IKZF5: variants seen among roughly 807,000 people sequenced by gnomAD.
The protein encoded by IKZF5 is IKAROS family zinc finger 5.
IKZF5 carries 4 observed loss-of-function variants against 30.7 expected under a neutral mutation model. The ratio of observed to expected loss-of-function variants is 0.13; its 90% confidence interval spans 0.06 to 0.30. The LOEUF (loss-of-function observed/expected upper bound fraction) is 0.30. Among genes scored for constraint, IKZF5 ranks in the 10% least tolerant of loss-of-function variants. The pLI, the probability that IKZF5 is intolerant of heterozygous loss-of-function variation, is 1.00. For synonymous variants in IKZF5, 148 were observed against 179.6 expected (o/e 0.82, Z 1.41); for missense variants, 348 against 525.5 (o/e 0.66, Z 3.30).
At chr10:122,997,536 G>GTGTTTTGT (rs1349268957) in intron 3 of IKZF5, 4 of 152,210 alleles carry the variant, frequency 2.6e-5, no homozygotes, top group African/African-American at 9.7e-5. Flanking sequence ...GTGGTGTCTG[G>GTGTTTTGT]TGTTTTGTAT....
At chr10:123,002,711 C>T (rs1849634564) in intron 2 of IKZF5, among the ~76,000 whole-genome samples, 1 of 151,032 alleles carries the variant, frequency 6.6e-6, no homozygotes, top group Non-Finnish European at 1.5e-5. Flanking sequence ...TTGATTGAAC[C>T]CAGGAGGTGG....
At position 122,992,465 on chromosome 10, in the gene IKZF5, T is replaced by C. The variant is rs1280870826; in HGVS notation, c.*1315A>G. 2.0e-5 allele frequency: 3 copies of C among 152,340 alleles called. No homozygotes were observed. In the East Asian group the frequency reaches 5.8e-4, roughly 29 times the overall value. 9.4% of individuals were successfully genotyped at this position (152,340 alleles called of 1,614,324 possible). A position where few individuals can be genotyped will look rare whatever the true frequency, so the allele number is the denominator to read the frequency against. On this transcript the variant is annotated 3_prime_UTR_variant, in exon 5 of 5. Coordinates refer to ENST00000368886, the MANE Select transcript of IKZF5 (RefSeq NM_001372123.1). ...ACCAAGTTAGTAACAATGTATTTTATTGTTTGACCAAGCTCTCTTCAGAGT... is the reference window on the plus strand; with the variant it reads ...ACCAAGTTAGTAACAATGTATTTTACTGTTTGACCAAGCTCTCTTCAGAGT...
At chr10:122,999,758 C>T (rs1342273397) in intron 2 of IKZF5, among the ~76,000 whole-genome samples, 2 of 152,228 alleles carry the variant, frequency 1.3e-5, no homozygotes, top group East Asian at 3.8e-4. Flanking sequence ...GGGAAAGTCT[C>T]TTGTGTGTTC....
At chr10:122,998,435 C>T (rs1375794128) in intron 3 of IKZF5, 58 bp downstream of exon 3, 32 of 1,426,536 alleles carry the variant, frequency 2.2e-5, no homozygotes, top group East Asian at 1.4e-4. Flanking sequence ...AACAGCTACA[C>T]GCAATCATAG....
In IKZF5 at chr10:122,993,058, C is replaced by G. The variant is rs1205919940; in HGVS notation, c.*722G>C. The G allele has an allele frequency of 6.6e-6, 1 of 152,382 alleles. No individual in the cohort carries two copies. The highest frequency in any genetic ancestry group is 2.4e-5 in the African/African-American group (1 of 41,378). The allele number at this position is 152,382 out of a possible 1,614,324, so 9.4% of individuals were successfully genotyped here. On this transcript the variant is annotated 3_prime_UTR_variant, in exon 5 of 5. Transcript: ENST00000368886. Reference sequence around the variant, plus strand: ...AGGATTTAAATGAAAGTCAAACTGACAGGGGAAAAAGGCATCTAGCACTCT... The same window carrying G: ...AGGATTTAAATGAAAGTCAAACTGAGAGGGGAAAAAGGCATCTAGCACTCT...
At chr10:123,001,001 CTTCTT>C (rs200962140) in intron 2 of IKZF5, among the ~76,000 whole-genome samples, 1,771 of 150,418 alleles carry the variant, frequency 0.012, 41 homozygotes, top group African/African-American at 0.038. Context: ...TTCGTTTTCT[CTTCTT>C]TTCTTTTCTT....
At chr10:123,002,856 T>TTAGAAAATTGTC (rs1451352371) in intron 2 of IKZF5, among the ~76,000 whole-genome samples, 1 of 152,018 alleles carries the variant, frequency 6.6e-6, no homozygotes, top group Non-Finnish European at 1.5e-5. Context: ...AGCCTATTTT[T>TTAGAAAATTGTC]TAGAAAATTG....
At chr10:123,003,509 C>G (rs934726318) in intron 2 of IKZF5, among the ~76,000 whole-genome samples, 1 of 152,136 alleles carries the variant, frequency 6.6e-6, no homozygotes, top group African/African-American at 2.4e-5. Flanking sequence ...CCTTAGTTTC[C>G]TATTTTGTAA....
intron 2 of IKZF5, among the ~76,000 whole-genome samples, chr10:123,006,641 G>C (rs1849797581): frequency 6.6e-6 from 1 of 152,148 alleles, no homozygotes; most frequent in Admixed American, 6.5e-5. Context: ...ACTTCTCATA[G>C]GTAACCATAA....
In IKZF5 at chr10:122,993,530, A is replaced by G. The variant is rs1849239962; in HGVS notation, c.*250T>C. ...TCTTGTAAGATTATGACTGCACTCC[A>G]ATTCTCCAATGTCGAAAGGAAAGGA... On this transcript the variant is annotated 3_prime_UTR_variant, in exon 5 of 5. Transcript: ENST00000368886. The G allele has an allele frequency of 3.3e-6, 1 of 300,686 alleles. No homozygotes were observed. The highest frequency in any genetic ancestry group is 6.1e-6 in the Non-Finnish European group (1 of 163,822). The allele number at this position is 300,686 out of a possible 1,614,324, so 18.6% of individuals were successfully genotyped here. A position where few individuals can be genotyped will look rare whatever the true frequency, so the allele number is the denominator to read the frequency against.
At chr10:123,005,603 T>G (rs905795440) in intron 2 of IKZF5, among the ~76,000 whole-genome samples, 7 of 152,214 alleles carry the variant, frequency 4.6e-5, no homozygotes, top group Non-Finnish European at 8.8e-5. Flanking sequence ...CCCCAAAAGC[T>G]GATATGTTGA....
At chr10:123,004,404 C>T (rs919365285) in intron 2 of IKZF5, among the ~76,000 whole-genome samples, 21 of 117,364 alleles carry the variant, frequency 1.8e-4, no homozygotes, top group Admixed American at 5.0e-4. Context: ...TACAGTACAA[C>T]GTGACAGTGC....
At chr10:123,005,997 T>G (rs1472253532) in intron 2 of IKZF5, among the ~76,000 whole-genome samples, 1 of 152,242 alleles carries the variant, frequency 6.6e-6, no homozygotes, top group Non-Finnish European at 1.5e-5. Context: ...CTTCCTGTGA[T>G]TATTCTGATT....
chr10:123,007,272 A>G (rs1849828517), intron 1 of IKZF5, 96 bp from the exon 2 acceptor site: 1 of 152,242 alleles, frequency 6.6e-6, no homozygotes, highest in South Asian at 2.1e-4. Flanking sequence ...ACTTATGCCA[A>G]TCTTATCATT....
chr10:123,002,916 T>C (rs1047405618), intron 2 of IKZF5, among the ~76,000 whole-genome samples: 4 of 152,188 alleles, frequency 2.6e-5, no homozygotes, highest in Admixed American at 2.6e-4. Flanking sequence ...AAGTAGAGTA[T>C]AGTCAACTCT....
chr10:123,002,519 C>CAAAA (rs764081145), intron 2 of IKZF5, among the ~76,000 whole-genome samples: 1 of 96,870 alleles, frequency 1.0e-5, no homozygotes, highest in Non-Finnish European at 2.2e-5. Context: ...ATTCTGTCTC[C>CAAAA]AAAAAAAAAA....
Position 123,008,791 on chromosome 10 carries a change from G to A in IKZF5, c.-295C>T, listed in dbSNP as rs1849935418. The A allele has an allele frequency of 1.6e-6, 1 of 614,628 alleles. No individual in the cohort carries two copies. Among genetic ancestry groups the A allele is most frequent in the Admixed American group, 2.8e-5 (1 of 36,136 alleles). 38.1% of individuals were successfully genotyped at this position (614,628 alleles called of 1,614,324 possible). A position where few individuals can be genotyped will look rare whatever the true frequency, so the allele number is the denominator to read the frequency against. On this transcript the variant is annotated 5_prime_UTR_variant, in exon 1 of 5. Transcript: ENST00000368886. ...CGTCACAGTCGCCGCCGCCATCTTT[G>A]TTGTGTCTCCGACTCCCTTCCCGCC...
intron 2 of IKZF5, among the ~76,000 whole-genome samples, chr10:123,004,758 T>A (rs908120112): frequency 6.6e-6 from 1 of 152,228 alleles, no homozygotes. Flanking sequence ...CTGTCATGAT[T>A]TAAAAATTAG....
chr10:122,994,213 T>C lies in IKZF5; in HGVS notation c.827A>G (p.Asp276Gly). ...CTTTTCATCAGGGCAGGGAACTACA[T>C]CAGGGGATGCAGGGTTTTGGTTTTC... ...PPENQNPASP[D>G]VVPCPDEKPF... The change falls in exon 5 of 5, where the codon GAT becomes GGT. Residue 276 changes from aspartate to glycine, a missense_variant. Asp to Gly is a moderately conservative substitution (Grantham distance 94, BLOSUM62 -1). This residue lies in a region of IKZF5 where 176 missense variants were observed against 198.2 expected (regional missense o/e 0.89). Coordinates refer to ENST00000368886, the MANE Select transcript of IKZF5 (RefSeq NM_001372123.1). The surrounding 1 kb of genome is among the most constrained non-coding windows in gnomAD (Gnocchi z 5.6). 6.2e-7 allele frequency: 1 copy of C among 1,614,066 alleles called. No homozygotes were observed. The highest frequency in any genetic ancestry group is 8.5e-7 in the Non-Finnish European group (1 of 1,180,030).
Sources: allele counts gnomAD v4.1 joint callset (sites outside exome capture counted in the v4.1 genomes callset), GRCh38; gene constraint gnomAD v4.1.1; regional missense constraint gnomAD v4.1.1; non-coding constraint Gnocchi (gnomAD v3.1); transcripts MANE v1.5; gene names NCBI Gene and HGNC (gene_info 2026-07-23, HGNC 2026-07-21).